The following DPP10 variants were observed in gnomAD, a reference collection of about 807,000 sequenced individuals.
DPP10 encodes the protein dipeptidyl peptidase like 10.
In DPP10, 33 loss-of-function variants were observed where a neutral mutation model predicts 120.9. The observed-to-expected ratio is 0.27, with a 90% CI of 0.21 to 0.37. The LOEUF (loss-of-function observed/expected upper bound fraction) is 0.37. Ranked by LOEUF, DPP10 falls within the 10% of genes least tolerant of loss-of-function variation. The probability of loss-of-function intolerance (pLI) is 1.00; values close to 1 mark genes in which losing one functional copy is unlikely to be tolerated. For missense variants in DPP10, 816 were observed against 942.8 expected (o/e 0.87, Z 1.76); for synonymous variants, 337 against 326.1 (o/e 1.03, Z -0.36).
intron 1 of DPP10, among the ~76,000 whole-genome samples, chr2:114,475,009 T>C (rs1269209459): frequency 2.0e-5 from 3 of 152,230 alleles, no homozygotes; most frequent in African/African-American, 7.2e-5. Context: ...TGAAGCAATC[T>C]GGTCAGCTTG....
At chr2:115,134,716 CA>C (rs1309180939) in intron 1 of DPP10, among the ~76,000 whole-genome samples, 1 of 151,552 alleles carries the variant, frequency 6.6e-6, no homozygotes. Context: ...TCAACAGGGT[CA>C]GGGGTAAGTG....
intron 1 of DPP10, among the ~76,000 whole-genome samples, chr2:115,254,159 A>G (rs2058872076): frequency 6.6e-6 from 1 of 152,220 alleles, no homozygotes; most frequent in Non-Finnish European, 1.5e-5. Flanking sequence ...AAGAGGTTTA[A>G]TTGACTCACA....
At chr2:115,284,810 C>T (rs1212017644) in intron 1 of DPP10, among the ~76,000 whole-genome samples, 1 of 151,938 alleles carries the variant, frequency 6.6e-6, no homozygotes, top group African/African-American at 2.4e-5. Context: ...CAGTCCTTGT[C>T]AGATGAATTT....
chr2:115,304,812 A>G (rs1227751579), intron 1 of DPP10, among the ~76,000 whole-genome samples: 4 of 151,978 alleles, frequency 2.6e-5, no homozygotes, highest in Non-Finnish European at 4.4e-5. Flanking sequence ...CCTACTTATT[A>G]TTCCCAGCAT....
chr2:115,739,932 C>T (rs1677045583), intron 9 of DPP10, 39 bp downstream of exon 9: 2 of 1,601,082 alleles, frequency 1.2e-6, no homozygotes, highest in Non-Finnish European at 8.6e-7. Flanking sequence ...CCTTCTCTCT[C>T]TCTGCACTAG....
Position 114,513,261 on chromosome 2 carries a change from G to A in DPP10, c.60+70423G>A, listed in dbSNP as rs146105801. 6.5e-3 allele frequency among the ~76,000 whole-genome samples: 986 copies of A among 152,164 alleles called. 11 individuals are homozygous for A. Among genetic ancestry groups the A allele is most frequent in the Non-Finnish European group, 6.0e-3 (405 of 68,018 alleles). On this transcript the variant is annotated intron_variant, in intron 1 of 25. Coordinates refer to ENST00000410059, the MANE Select transcript of DPP10 (RefSeq NM_020868.6). ...TTTACAGCTGGGCACGGTGGCTAACGCCTGTAATCCCAGCACTTTGGGAGG... is the reference window on the plus strand; with the variant it reads ...TTTACAGCTGGGCACGGTGGCTAACACCTGTAATCCCAGCACTTTGGGAGG...
intron 1 of DPP10, among the ~76,000 whole-genome samples, chr2:114,613,593 C>T (rs1030509268): frequency 6.6e-6 from 1 of 152,054 alleles, no homozygotes; most frequent in Admixed American, 6.6e-5. Context: ...AATACCATGA[C>T]CCAGCAATCC....
At chr2:115,592,939 G>A (rs2082762276) in intron 5 of DPP10, among the ~76,000 whole-genome samples, 2 of 152,006 alleles carry the variant, frequency 1.3e-5, no homozygotes, top group Admixed American at 1.3e-4. Flanking sequence ...TATATTTTTG[G>A]ATAAAATATA....
chr2:115,622,342 G>A (rs544825221), intron 5 of DPP10, among the ~76,000 whole-genome samples: 1 of 152,082 alleles, frequency 6.6e-6, no homozygotes, highest in South Asian at 2.1e-4. Flanking sequence ...CATAGGTGTT[G>A]TAGCATCTAT....
At chr2:115,551,199 G>A (rs1575157025) in intron 5 of DPP10, among the ~76,000 whole-genome samples, 1 of 152,074 alleles carries the variant, frequency 6.6e-6, no homozygotes, top group African/African-American at 2.4e-5. Context: ...AGCTTTTGTA[G>A]ACATTTCAGA....
intron 11 of DPP10, among the ~76,000 whole-genome samples, chr2:115,761,422 C>T (rs187954915): frequency 5.2e-4 from 79 of 152,018 alleles, no homozygotes; most frequent in Admixed American, 9.8e-4. Context: ...GATCTGACAC[C>T]TTATTGATAT....
At chr2:115,197,666 C>T (rs1031209496) in intron 1 of DPP10, among the ~76,000 whole-genome samples, 2 of 152,118 alleles carry the variant, frequency 1.3e-5, no homozygotes, top group East Asian at 1.9e-4. Flanking sequence ...CTGCTATAAA[C>T]CCTAATAGAT....
At chr2:114,581,476 C>A (rs909152004) in intron 1 of DPP10, among the ~76,000 whole-genome samples, 2 of 152,122 alleles carry the variant, frequency 1.3e-5, no homozygotes, top group Non-Finnish European at 2.9e-5. Context: ...AGCCACCACG[C>A]CCAGCCAAAA....
intron 21 of DPP10, among the ~76,000 whole-genome samples, chr2:115,828,416 T>G (rs1380468675): frequency 1.3e-5 from 2 of 152,166 alleles, no homozygotes; most frequent in Non-Finnish European, 2.9e-5. Context: ...TAAGTGTTTT[T>G]AACAAATTTG....
chr2:115,551,992 T>G (rs2079903674), intron 5 of DPP10, among the ~76,000 whole-genome samples: 2 of 152,160 alleles, frequency 1.3e-5, no homozygotes, highest in Non-Finnish European at 2.9e-5. Flanking sequence ...AATCTTTCAC[T>G]GATGCCTGTG....
chr2:115,718,174 A>G (rs2092551811), intron 7 of DPP10, among the ~76,000 whole-genome samples: 1 of 103,294 alleles, frequency 9.7e-6, no homozygotes, highest in Admixed American at 1.3e-4. Context: ...ACTTACTACT[A>G]GCTTCCAGTA....
At chr2:114,683,515 C>T (rs1699161048) in intron 1 of DPP10, among the ~76,000 whole-genome samples, 2 of 147,044 alleles carry the variant, frequency 1.4e-5, no homozygotes, top group Non-Finnish European at 3.0e-5. Context: ...CCTTCCCTCT[C>T]CCTTCCCTCT....
chr2:114,480,796 A>G (rs905553610), intron 1 of DPP10, among the ~76,000 whole-genome samples: 5 of 152,124 alleles, frequency 3.3e-5, no homozygotes, highest in Admixed American at 2.6e-4. Context: ...AACATGGCAC[A>G]TGTATACATA....
At chr2:115,458,941 T>C (rs1374693694) in intron 3 of DPP10, among the ~76,000 whole-genome samples, 1 of 152,142 alleles carries the variant, frequency 6.6e-6, no homozygotes, top group Non-Finnish European at 1.5e-5. Context: ...ATTAACCTAA[T>C]TAAGGCACAA....
Sources: gnomAD v4.1 joint callset for allele counts (sites outside exome capture counted in the v4.1 genomes callset) on GRCh38, gnomAD v4.1.1 for gene constraint, MANE v1.5 for transcripts, NCBI Gene and HGNC (gene_info 2026-07-23, HGNC 2026-07-21) for gene names.